Variants in LRRC7 observed in about 807,000 individuals in gnomAD.
LRRC7 encodes leucine rich repeat containing 7, also known as leucine-rich repeat-containing protein 7.
A neutral mutation model predicts 175.7 loss-of-function variants in LRRC7; 23 were observed. That is an observed-to-expected ratio of 0.13 (90% confidence interval 0.09 to 0.19). The LOEUF is 0.19. Among genes scored for constraint, LRRC7 ranks in the 10% least tolerant of loss-of-function variants. The pLI, the probability that LRRC7 is intolerant of heterozygous loss-of-function variation, is 1.00. For missense variants in LRRC7, 1,354 were observed against 1,904.7 expected, an observed-to-expected ratio of 0.71 and a Z score of 5.38; for synonymous variants, 685 against 680.9, an observed-to-expected ratio of 1.01 and a Z score of -0.09.
chr1:69,580,249 A>G (rs953039753), intron 1 of LRRC7, among the ~76,000 whole-genome samples: 3 of 152,184 alleles, frequency 2.0e-5, no homozygotes, highest in Non-Finnish European at 4.4e-5. Context: ...TCCAGTTTAT[A>G]GTGTCACAAC....
chr1:69,599,042 A>G (rs1268968321), intron 1 of LRRC7, among the ~76,000 whole-genome samples: 1 of 152,200 alleles, frequency 6.6e-6, no homozygotes, highest in African/African-American at 2.4e-5. Context: ...TCTAGGAAGA[A>G]TCCCTATAAA....
chr1:70,074,227 G>C (rs1025336447), intron 23 of LRRC7, among the ~76,000 whole-genome samples: 1 of 150,412 alleles, frequency 6.6e-6, no homozygotes, highest in Admixed American at 6.6e-5. Flanking sequence ...AAATACATCC[G>C]ATCAAAATGT....
intron 1 of LRRC7, among the ~76,000 whole-genome samples, chr1:69,578,723 A>G (rs1193066026): frequency 6.8e-6 from 1 of 148,108 alleles, no homozygotes; most frequent in African/African-American, 2.5e-5. Context: ...ATTCTCAGTC[A>G]TAGGTGTGAA....
chr1:69,612,085 T>C (rs1054577563), intron 1 of LRRC7, among the ~76,000 whole-genome samples: 1 of 152,072 alleles, frequency 6.6e-6, no homozygotes, highest in Non-Finnish European at 1.5e-5. Flanking sequence ...GCCACCCACA[T>C]TTAATGATGT....
At chr1:70,056,059 G>A (rs912434779) in intron 23 of LRRC7, among the ~76,000 whole-genome samples, 4 of 152,170 alleles carry the variant, frequency 2.6e-5, no homozygotes, top group African/African-American at 7.2e-5. Context: ...AGAGAGAAGA[G>A]TTTAGGTTTT....
chr1:69,632,953 T>C (rs2100386531), intron 1 of LRRC7, among the ~76,000 whole-genome samples: 1 of 152,242 alleles, frequency 6.6e-6, no homozygotes, highest in African/African-American at 2.4e-5. Context: ...TTTTCTTTCC[T>C]TTTTGCTTTG....
chr1:69,754,252 C>T (rs921837038), intron 2 of LRRC7, among the ~76,000 whole-genome samples: 10 of 151,978 alleles, frequency 6.6e-5, no homozygotes, highest in South Asian at 2.1e-4. Context: ...CATCTAGCTA[C>T]ACTGTGGAGT....
intron 7 of LRRC7, chr1:69,919,557 G>A: frequency 1.3e-6 from 1 of 793,026 alleles, no homozygotes; most frequent in East Asian, 2.6e-5. Flanking sequence ...CAGTCAAGGC[G>A]GCCCTCGACC....
chr1:69,865,776 G>A (rs901057119), intron 7 of LRRC7, among the ~76,000 whole-genome samples: 12 of 151,964 alleles, frequency 7.9e-5, no homozygotes, highest in African/African-American at 2.9e-4. Context: ...TACCGCGCCC[G>A]GCCCGACCGT....
intron 17 of LRRC7, among the ~76,000 whole-genome samples, chr1:70,025,874 A>G (rs917022507): frequency 6.6e-6 from 1 of 151,784 alleles, no homozygotes; most frequent in Non-Finnish European, 1.5e-5. Context: ...TAAAATGACT[A>G]TGTAAATAAT....
At chr1:70,005,935 T>G (rs542425854) in intron 11 of LRRC7, among the ~76,000 whole-genome samples, 6 of 152,268 alleles carry the variant, frequency 3.9e-5, no homozygotes, top group African/African-American at 1.4e-4. Flanking sequence ...TATTTTTACT[T>G]TCCACAATTA....
At chr1:70,059,513 GTGT>G (rs1431430374) in intron 23 of LRRC7, among the ~76,000 whole-genome samples, 2 of 148,298 alleles carry the variant, frequency 1.3e-5, no homozygotes, top group Non-Finnish European at 3.0e-5. Context: ...GTGTGTGTGT[GTGT>G]GGTCATTTTC....
At chr1:70,081,932 A>G (rs577232693) in intron 24 of LRRC7, among the ~76,000 whole-genome samples, 53 of 152,328 alleles carry the variant, frequency 3.5e-4, no homozygotes, top group Non-Finnish European at 6.0e-4. Context: ...AGAGAGTTAT[A>G]AAAAATGATA....
chr1:69,672,185 G>A (rs1659176389), intron 1 of LRRC7, among the ~76,000 whole-genome samples: 2 of 151,896 alleles, frequency 1.3e-5, no homozygotes, highest in Admixed American at 6.6e-5. Context: ...GTCCTATCAG[G>A]GTGGGGTGGT....
At chr1:69,749,704 A>T (rs1669623991) in intron 2 of LRRC7, among the ~76,000 whole-genome samples, 1 of 152,158 alleles carries the variant, frequency 6.6e-6, no homozygotes, top group African/African-American at 2.4e-5. Flanking sequence ...TGAAGAAAAT[A>T]GATGAAAGAT....
intron 1 of LRRC7, among the ~76,000 whole-genome samples, chr1:69,665,396 G>C (rs1335368008): frequency 6.6e-6 from 1 of 152,072 alleles, no homozygotes; most frequent in South Asian, 2.1e-4. Context: ...GCTTTGAGTA[G>C]TATGGACATT....
At chr1:69,882,620 T>G (rs1422239056) in intron 7 of LRRC7, among the ~76,000 whole-genome samples, 2 of 152,054 alleles carry the variant, frequency 1.3e-5, no homozygotes, top group Non-Finnish European at 2.9e-5. Flanking sequence ...CTTTTTTTTT[T>G]TTTTTAATTA....
chr1:69,869,145 G>T (rs1379163495), intron 7 of LRRC7, among the ~76,000 whole-genome samples: 2 of 152,104 alleles, frequency 1.3e-5, no homozygotes, highest in South Asian at 4.1e-4. Context: ...ATTTCATTTG[G>T]TAATCATGTG....
rs528553907 is a variant in LRRC7 at position 70,137,863 on chromosome 1, A to C, written c.*15976A>C. On this transcript the variant is annotated 3_prime_UTR_variant, in exon 27 of 27. Transcript: ENST00000651989. ...TCCTTACAACTTATTCTAAGGGAAGAATCTCTTTAGAGATTACATTACACC... is the reference window on the plus strand; with the variant it reads ...TCCTTACAACTTATTCTAAGGGAAGCATCTCTTTAGAGATTACATTACACC... 4.9e-4 allele frequency among the ~76,000 whole-genome samples: 74 copies of C among 152,368 alleles called. No homozygotes were observed. The highest frequency in any genetic ancestry group is 6.6e-4 in the Non-Finnish European group (45 of 68,034).
Sources: gnomAD v4.1 joint callset for allele counts (sites outside exome capture counted in the v4.1 genomes callset) on GRCh38, gnomAD v4.1.1 for gene constraint, MANE v1.5 for transcripts, NCBI Gene and HGNC (gene_info 2026-07-23, HGNC 2026-07-21) for gene names.